Variants in NAV2 observed in about 807,000 individuals in gnomAD.
NAV2 encodes the protein helicase, APC down-regulated 1.
Under a neutral mutation model 223.2 loss-of-function variants are expected in NAV2, and 54 were observed. The ratio of observed to expected loss-of-function variants is 0.24; its 90% CI spans 0.19 to 0.30. The LOEUF (loss-of-function observed/expected upper bound fraction) is 0.30, where lower values mean the gene tolerates loss of function less well. NAV2 is among the 10% of genes least tolerant of loss of function. The pLI, the probability that NAV2 is intolerant of heterozygous loss-of-function variation, is 1.00. For missense variants in NAV2, 2,806 were observed against 3,147.5 expected (o/e 0.89, Z 2.60); for synonymous variants, 1,279 against 1,239.3 (o/e 1.03, Z -0.67).
chr11:19,450,701 A>G (rs750529500), intron 1 of NAV2, among the ~76,000 whole-genome samples: 11 of 152,206 alleles, frequency 7.2e-5, no homozygotes, highest in Non-Finnish European at 1.5e-4. Context: ...TGCATAACCT[A>G]TACAACTTCG....
At chr11:19,863,622 G>C (rs2153029164) in intron 3 of NAV2, among the ~76,000 whole-genome samples, 1 of 152,272 alleles carries the variant, frequency 6.6e-6, no homozygotes, top group South Asian at 2.1e-4. Context: ...TCTTCCTTAA[G>C]AAATTCTTGT....
chr11:19,972,816 T>C (rs1036041551), intron 10 of NAV2, among the ~76,000 whole-genome samples: 4 of 152,200 alleles, frequency 2.6e-5, no homozygotes, highest in African/African-American at 9.7e-5. Flanking sequence ...CTGATTTTTA[T>C]GTCCCCAACA....
intron 1 of NAV2, among the ~76,000 whole-genome samples, chr11:19,467,012 C>CACACACACACACACACACACAG (rs1564960015): frequency 7.4e-6 from 1 of 134,372 alleles, no homozygotes; most frequent in African/African-American, 2.8e-5. Flanking sequence ...CACACACACA[C>CACACACACACACACACACACAG]ACACACAGAG....
chr11:19,460,787 T>TA (rs923858568), intron 1 of NAV2, among the ~76,000 whole-genome samples: 12 of 151,630 alleles, frequency 7.9e-5, no homozygotes, highest in South Asian at 6.3e-4. Flanking sequence ...TAAAGTATAA[T>TA]AAAAAAAAAT....
At chr11:19,790,211 T>C (rs2057423927) in intron 1 of NAV2, among the ~76,000 whole-genome samples, 1 of 152,174 alleles carries the variant, frequency 6.6e-6, no homozygotes, top group Non-Finnish European at 1.5e-5. Flanking sequence ...TTTTCATGGA[T>C]TTCATGGTCT....
chr11:20,065,677 C>G (rs376275237), intron 20 of NAV2, among the ~76,000 whole-genome samples: 2 of 152,170 alleles, frequency 1.3e-5, no homozygotes, highest in South Asian at 4.2e-4. Flanking sequence ...TGGGGCCCAA[C>G]CCCAGAGACA....
intron 1 of NAV2, among the ~76,000 whole-genome samples, chr11:19,462,739 A>G (rs909546891): frequency 1.3e-5 from 2 of 152,208 alleles, no homozygotes; most frequent in Non-Finnish European, 2.9e-5. Flanking sequence ...AGCCTCCATC[A>G]GTCTTTGAGA....
chr11:19,830,362 G>T (rs1013131314), intron 1 of NAV2, among the ~76,000 whole-genome samples: 1 of 152,228 alleles, frequency 6.6e-6, no homozygotes, highest in African/African-American at 2.4e-5. Context: ...ATTCAGAGAG[G>T]CATTGCAGGA....
chr11:19,953,724 G>T (rs1039181732), intron 10 of NAV2, among the ~76,000 whole-genome samples: 1 of 152,206 alleles, frequency 6.6e-6, no homozygotes, highest in African/African-American at 2.4e-5. Flanking sequence ...GTTCTTAAAA[G>T]GCAGACAGAC....
intron 1 of NAV2, among the ~76,000 whole-genome samples, chr11:19,577,555 C>T (rs1295035667): frequency 6.6e-6 from 1 of 152,268 alleles, no homozygotes; most frequent in Non-Finnish European, 1.5e-5. Context: ...ATCTTTTTCA[C>T]AGCTCTGTTT....
At chr11:19,736,850 T>A (rs1211092075) in intron 1 of NAV2, among the ~76,000 whole-genome samples, 1 of 152,202 alleles carries the variant, frequency 6.6e-6, no homozygotes, top group Non-Finnish European at 1.5e-5. Flanking sequence ...TTAGAGTTAG[T>A]ATAGCCACAA....
At chr11:20,022,657 G>C (rs966139630) in intron 11 of NAV2, 2 of 992,660 alleles carry the variant, frequency 2.0e-6, no homozygotes, top group Non-Finnish European at 1.2e-6. Flanking sequence ...ACTTAGGGCT[G>C]GAAAGACTTT....
At chr11:19,818,676 C>G (rs1295431519) in intron 1 of NAV2, among the ~76,000 whole-genome samples, 1 of 152,154 alleles carries the variant, frequency 6.6e-6, no homozygotes, top group Non-Finnish European at 1.5e-5. Context: ...CCTGGCATAC[C>G]ACTGTATGTG....
At chr11:19,612,085 A>AG (rs2046662170) in intron 1 of NAV2, among the ~76,000 whole-genome samples, 1 of 152,234 alleles carries the variant, frequency 6.6e-6, no homozygotes, top group Non-Finnish European at 1.5e-5. Flanking sequence ...GGAAGCTGCC[A>AG]AGGCTTGGAG....
Position 19,948,912 on chromosome 11 carries a change from C to T in NAV2, c.2477C>T (p.Pro826Leu), listed in dbSNP as rs185972743. The change falls in exon 10 of 38, where the codon CCT becomes CTT. Residue 826 changes from proline (P) to leucine (L), a missense_variant. Physicochemically the swap from Pro to Leu is moderately conservative, Grantham distance 98. This residue lies in a region of NAV2 where 1,167 missense variants were observed against 1,180.5 expected (regional missense o/e 0.99). Transcript: ENST00000349880. ...TCAGGTCGCTATGTGTACTCCGCCC[C>T]TCTGAGAAGGCAGCTGGCCTCCCGG... ...TESGRYVYSA[P>L]LRRQLASRGS... The T allele has an allele frequency of 3.6e-4, 580 of 1,614,142 alleles. 1 individual carries two copies. The highest frequency in any genetic ancestry group is 4.6e-4 in the Non-Finnish European group (545 of 1,180,032).
intron 6 of NAV2, among the ~76,000 whole-genome samples, chr11:19,898,483 A>G (rs184508737): frequency 6.6e-6 from 1 of 152,246 alleles, no homozygotes; most frequent in East Asian, 1.9e-4. Context: ...AAATGAAATC[A>G]TGAAGTCATG....
chr11:19,758,592 C>T (rs188248291), intron 1 of NAV2, among the ~76,000 whole-genome samples: 7,101 of 152,224 alleles, frequency 0.047, 194 homozygotes, highest in Admixed American at 0.067. Flanking sequence ...GCCCAGGTGA[C>T]TCAGGGAAGG....
At chr11:19,642,557 T>A (rs1590021645) in intron 1 of NAV2, among the ~76,000 whole-genome samples, 2 of 152,288 alleles carry the variant, frequency 1.3e-5, no homozygotes, top group Middle Eastern at 6.8e-3. Context: ...CCGCTTTGAC[T>A]TCTTCCTCTC....
intron 11 of NAV2, among the ~76,000 whole-genome samples, 178 bp from the exon 12 acceptor site, chr11:20,035,781 A>G (rs916505221): frequency 2.6e-5 from 4 of 152,180 alleles, no homozygotes; most frequent in African/African-American, 9.7e-5. Context: ...CCAGCTTCCA[A>G]TCCCAGACAG....
Sources: allele counts gnomAD v4.1 joint callset (sites outside exome capture counted in the v4.1 genomes callset), GRCh38; gene constraint gnomAD v4.1.1; regional missense constraint gnomAD v4.1.1; transcripts MANE v1.5; gene names NCBI Gene and HGNC (gene_info 2026-07-23, HGNC 2026-07-21).